ERBB4: variants seen among roughly 807,000 people sequenced by gnomAD.
The protein encoded by ERBB4 is erb-b2 receptor tyrosine kinase 4.
ERBB4 carries 42 observed loss-of-function variants against 158.0 expected under a neutral mutation model. That is an observed-to-expected ratio of 0.27 (90% CI 0.21 to 0.34). The LOEUF (loss-of-function observed/expected upper bound fraction) is 0.34, where lower values mean the gene tolerates loss of function less well. Among genes scored for constraint, ERBB4 ranks in the 10% least tolerant of loss-of-function variants. ERBB4 has a pLI of 1.00. For synonymous variants in ERBB4, 583 were observed against 558.7 expected, an observed-to-expected ratio of 1.04 and a Z score of -0.61; for missense variants, 1,333 against 1,624.1, an observed-to-expected ratio of 0.82 and a Z score of 3.08.
chr2:211,604,576 G>C (rs2068915454), intron 19 of ERBB4, among the ~76,000 whole-genome samples: 1 of 152,192 alleles, frequency 6.6e-6, no homozygotes, highest in Admixed American at 6.5e-5. Context: ...TCATAGCACA[G>C]AGACCTTGTA....
chr2:212,082,036 C>T (rs2078461191), intron 2 of ERBB4, among the ~76,000 whole-genome samples: 2 of 152,008 alleles, frequency 1.3e-5, no homozygotes, highest in Admixed American at 1.3e-4. Context: ...AGGATGAATA[C>T]TTAGAATATA....
rs1194374740 is a variant in ERBB4 at position 211,383,559 on chromosome 2, G to C, written c.*56C>G. On this transcript the variant is annotated 3_prime_UTR_variant, in exon 28 of 28. Coordinates refer to ENST00000342788, the MANE Select transcript of ERBB4 (RefSeq NM_005235.3). Reference sequence around the variant, plus strand: ...AAGGAAGACCACCAGAGAAAGAGAGGGGGGTGGGGAAATTGGAGCAGGTGT... The same window carrying C: ...AAGGAAGACCACCAGAGAAAGAGAGCGGGGTGGGGAAATTGGAGCAGGTGT... 2.3e-5 allele frequency: 33 copies of C among 1,427,012 alleles called. No homozygotes were observed. Among genetic ancestry groups the C allele is most frequent in the South Asian group, 1.4e-4 (12 of 86,576 alleles). The allele number at this position is 1,427,012 out of a possible 1,614,324, so 88.4% of individuals were successfully genotyped here.
chr2:211,479,264 C>T (rs1412772861), intron 20 of ERBB4, among the ~76,000 whole-genome samples: 3 of 152,162 alleles, frequency 2.0e-5, no homozygotes, highest in African/African-American at 7.2e-5. Context: ...AGCTAAATAG[C>T]TCCCCTCTAT....
chr2:212,107,294 A>T (rs1683073719), intron 2 of ERBB4, among the ~76,000 whole-genome samples: 1 of 152,168 alleles, frequency 6.6e-6, no homozygotes, highest in African/African-American at 2.4e-5. Flanking sequence ...TGGATATGAG[A>T]CATGGAGTCA....
chr2:212,255,503 T>C (rs1179738609), intron 1 of ERBB4, among the ~76,000 whole-genome samples: 1 of 152,194 alleles, frequency 6.6e-6, no homozygotes, highest in East Asian at 1.9e-4. Flanking sequence ...CCAAATAGTC[T>C]ATCAGTTCTT....
chr2:211,908,633 G>A (rs1429249003), intron 3 of ERBB4, among the ~76,000 whole-genome samples: 1 of 151,698 alleles, frequency 6.6e-6, no homozygotes, highest in Non-Finnish European at 1.5e-5. Flanking sequence ...GATTTGCCCA[G>A]CATTTTATGA....
chr2:212,403,638 CA>C (rs1055223566), intron 1 of ERBB4, among the ~76,000 whole-genome samples: 33 of 152,000 alleles, frequency 2.2e-4, no homozygotes, highest in African/African-American at 7.7e-4. Context: ...CATAGAAAAA[CA>C]AATACTGCGT....
At chr2:212,088,872 C>T (rs571109038) in intron 2 of ERBB4, among the ~76,000 whole-genome samples, 12 of 152,202 alleles carry the variant, frequency 7.9e-5, no homozygotes, top group South Asian at 4.1e-4. Flanking sequence ...GTACCAGGTA[C>T]GCTATTAGAC....
intron 20 of ERBB4, among the ~76,000 whole-genome samples, chr2:211,480,573 T>C (rs1055891144): frequency 1.3e-5 from 2 of 152,110 alleles, no homozygotes; most frequent in Admixed American, 6.6e-5. Flanking sequence ...GCCATGGAAA[T>C]GTGAGTCAAT....
At position 211,861,137 on chromosome 2, in the gene ERBB4, TA is replaced by T. The variant is rs1385762322; in HGVS notation, c.422-72979del. 7.8e-3 allele frequency among the ~76,000 whole-genome samples: 236 copies of T among 30,100 alleles called. 29 individuals carry two copies. Among genetic ancestry groups the T allele is most frequent in the South Asian group, 0.015 (12 of 806 alleles). The allele number at this position is 30,100 out of a possible 152,430, so 19.7% of individuals were successfully genotyped here. On this transcript the variant is annotated intron_variant, in intron 3 of 27. Transcript: ENST00000342788. Reference sequence around the variant, plus strand: ...TATATATATATTTTATATATATATATATATATATATATATATATTAAAAAAA... The same window carrying T: ...TATATATATATTTTATATATATATATTATATATATATATATATTAAAAAAA...
At chr2:211,765,550 T>C (rs1189908071) in intron 4 of ERBB4, among the ~76,000 whole-genome samples, 1 of 152,184 alleles carries the variant, frequency 6.6e-6, no homozygotes, top group African/African-American at 2.4e-5. Context: ...TACTATTTCA[T>C]GAGAATGTTG....
At chr2:212,530,949 G>GGACTTCAGTCCTTCAAAAGGACTTCA (rs1184904465) in intron 1 of ERBB4, among the ~76,000 whole-genome samples, 1 of 151,962 alleles carries the variant, frequency 6.6e-6, no homozygotes, top group Non-Finnish European at 1.5e-5. Context: ...ATCTTCAATC[G>GGACTTCAGTCCTTCAAAAGGACTTCA]GTCTTGAGTC....
At chr2:211,907,155 G>T (rs2079417180) in intron 3 of ERBB4, among the ~76,000 whole-genome samples, 1 of 151,672 alleles carries the variant, frequency 6.6e-6, no homozygotes, top group African/African-American at 2.4e-5. Flanking sequence ...CAGAAGCTTA[G>T]CTTGTATTTT....
intron 2 of ERBB4, among the ~76,000 whole-genome samples, chr2:212,061,995 A>G (rs1273190193): frequency 3.3e-5 from 5 of 152,042 alleles, no homozygotes; most frequent in Non-Finnish European, 7.4e-5. Context: ...TCGGCCTCCC[A>G]AAGTGCTGGG....
chr2:212,513,608 C>T (rs147904158), intron 1 of ERBB4, among the ~76,000 whole-genome samples: 1 of 152,030 alleles, frequency 6.6e-6, no homozygotes, highest in African/African-American at 2.4e-5. Flanking sequence ...GTCAGGAGAT[C>T]GAGACCATCT....
Position 211,429,002 on chromosome 2 carries a change from C to G in ERBB4, c.2644-519G>C, listed in dbSNP as rs1045165904. On this transcript the variant is annotated intron_variant, in intron 21 of 27. Coordinates refer to ENST00000342788, the MANE Select transcript of ERBB4 (RefSeq NM_005235.3). Reference sequence around the variant, plus strand: ...GCTGGGATTACATACGTGAGCCACCCTGCTTGGTCATACTTATTTTTTTAA... The same window carrying G: ...GCTGGGATTACATACGTGAGCCACCGTGCTTGGTCATACTTATTTTTTTAA... Among the ~76,000 whole-genome samples, 13 of 151,490 alleles carry G rather than the reference C, an allele frequency of 8.6e-5. 1 individual carries two copies.
At position 211,829,431 on chromosome 2, in the gene ERBB4, C is replaced by T. The variant is rs190004479; in HGVS notation, c.422-41272G>A. Among the ~76,000 whole-genome samples, 66 of 152,042 alleles carry T rather than the reference C, an allele frequency of 4.3e-4. No homozygotes were observed. The East Asian group carries it at 7.2e-3, about 17-fold the overall frequency. On this transcript the variant is annotated intron_variant, in intron 3 of 27. Transcript: ENST00000342788. ...ACTCAAGTTCACTTATTTTGGTTACCGTTAAGTATCTCATTGTGTGGCTTA... is the reference window on the plus strand; with the variant it reads ...ACTCAAGTTCACTTATTTTGGTTACTGTTAAGTATCTCATTGTGTGGCTTA...
intron 16 of ERBB4, among the ~76,000 whole-genome samples, chr2:211,653,783 TC>T (rs1194308281): frequency 6.6e-6 from 1 of 152,068 alleles, no homozygotes; most frequent in African/African-American, 2.4e-5. Context: ...CAAGAGATTC[TC>T]CTGCCTCAGC....
chr2:211,998,013 C>A (rs1325849574), intron 2 of ERBB4, among the ~76,000 whole-genome samples: 1 of 151,480 alleles, frequency 6.6e-6, no homozygotes, highest in Non-Finnish European at 1.5e-5. Flanking sequence ...TATTAGAAAT[C>A]ATCCCACAAC....
Sources: gnomAD v4.1 joint callset for allele counts (sites outside exome capture counted in the v4.1 genomes callset) on GRCh38, gnomAD v4.1.1 for gene constraint, MANE v1.5 for transcripts, NCBI Gene and HGNC (gene_info 2026-07-23, HGNC 2026-07-21) for gene names.